The following HDAC7 variants were observed in gnomAD, a reference collection of about 807,000 sequenced individuals.
HDAC7 encodes histone deacetylase 7, also known as histone deacetylase 7A.
Under a neutral mutation model 115.5 loss-of-function variants are expected in HDAC7, and 26 were observed. That is an observed-to-expected ratio of 0.23 (90% CI 0.16 to 0.31). The LOEUF is 0.31. HDAC7 is among the 10% of genes least tolerant of loss of function. The pLI is 1.00. For synonymous variants in HDAC7, 564 were observed against 550.9 expected (o/e 1.02, Z -0.33); for missense variants, 1,068 against 1,329.0 (o/e 0.80, Z 3.05).
In HDAC7 at chr12:47,795,016, A is replaced by G; in HGVS notation, c.1285-83T>C. Reference sequence around the variant, plus strand: ...AGGTGGTGGGCTGGGCCAGGCAGCCAGTCATCTTGCTAGGACTCCAGCTGC... The same window carrying G: ...AGGTGGTGGGCTGGGCCAGGCAGCCGGTCATCTTGCTAGGACTCCAGCTGC... On this transcript the variant is annotated intron_variant, in intron 11 of 25. Coordinates refer to ENST00000080059, the MANE Select transcript of HDAC7 (RefSeq NM_015401.5). This position sits in a 1 kb window ranked among gnomAD's most constrained non-coding sequence, Gnocchi z 4.3. 1 of 1,445,164 alleles carries G rather than the reference A, an allele frequency of 6.9e-7. No individual in the cohort carries two copies. 89.5% of individuals were successfully genotyped at this position (1,445,164 alleles called of 1,614,324 possible).
In HDAC7 at chr12:47,798,470, G is replaced by A. The variant is rs1014859839; in HGVS notation, c.349+92C>T. The A allele has an allele frequency of 5.2e-5, 60 of 1,164,058 alleles. No individual in the cohort carries two copies. Among genetic ancestry groups the A allele is most frequent in the Non-Finnish European group, 7.1e-5 (56 of 787,682 alleles). The allele number at this position is 1,164,058 out of a possible 1,614,324, so 72.1% of individuals were successfully genotyped here. A position where few individuals can be genotyped will look rare whatever the true frequency, so the allele number is the denominator to read the frequency against. ...CCTCGGCTCAGGCCCAGCTGGCTGCGGCCCTCCCACCTCACCCCTCACAAG... is the reference window on the plus strand; with the variant it reads ...CCTCGGCTCAGGCCCAGCTGGCTGCAGCCCTCCCACCTCACCCCTCACAAG... On this transcript the variant is annotated intron_variant, in intron 4 of 25. Coordinates refer to ENST00000080059, the MANE Select transcript of HDAC7 (RefSeq NM_015401.5). This position sits in a 1 kb window ranked among gnomAD's most constrained non-coding sequence, Gnocchi z 4.3.
At chr12:47,802,422 C>T (rs748367446) in intron 1 of HDAC7, 148 bp from the exon 2 acceptor site, 12 of 1,544,344 alleles carry the variant, frequency 7.8e-6, no homozygotes, top group South Asian at 2.4e-5. Context: ...CTAATCAAAA[C>T]GAGAAGACCC....
In HDAC7 at chr12:47,788,227, A is replaced by G. The variant is rs555659391; in HGVS notation, c.2236-63T>C. On this transcript the variant is annotated intron_variant, in intron 19 of 25. Coordinates refer to ENST00000080059, the MANE Select transcript of HDAC7 (RefSeq NM_015401.5). ...GAGATGGGGGCCAGGACAGGTTAGA[A>G]GGGTTTCAAGGTCAGTGGCCATTCT... is the stretch of plus-strand genomic sequence containing the variant. 508 of 1,519,932 alleles carry G rather than the reference A, an allele frequency of 3.3e-4. 1 individual carries two copies. Among genetic ancestry groups the G allele is most frequent in the Admixed American group, 1.6e-3 (72 of 46,422 alleles). 94.2% of individuals were successfully genotyped at this position (1,519,932 alleles called of 1,614,324 possible). A position where few individuals can be genotyped will look rare whatever the true frequency, so the allele number is the denominator to read the frequency against.
chr12:47,819,724 G>A (rs2137090932), intron 1 of HDAC7, 43 bp downstream of exon 1: 2 of 667,708 alleles, frequency 3.0e-6, no homozygotes, highest in South Asian at 1.3e-4. Context: ...GACGCTGGGT[G>A]CCGCGCGCAG....
chr12:47,795,351 A>C lies in HDAC7; in HGVS notation c.1117T>G (p.Phe373Val), dbSNP rs369277706. The change falls in exon 11 of 26, where the codon TTT becomes GTT. Residue 373 changes from phenylalanine (F) to valine (V), a missense_variant. This residue lies in a region of HDAC7 where 618 missense variants were observed against 701.5 expected (regional missense o/e 0.88). Transcript: ENST00000080059. The surrounding 1 kb of genome is among the most constrained non-coding windows in gnomAD (Gnocchi z 4.3). ...TCGGTGGTCATTAAGGACTGGGCAA[A>C]GTGGAAGGGCAAGGGCCCAAGCCCG... ...VPGLGPLPFH[F>V]AQSLMTTERL... is the part of the protein sequence containing the mutation. 6.2e-7 allele frequency: 1 copy of C among 1,609,406 alleles called. No homozygotes were observed. The highest frequency in any genetic ancestry group is 8.5e-7 in the Non-Finnish European group (1 of 1,178,200).
chr12:47,813,420 G>A (rs1592701325), intron 1 of HDAC7: 1 of 152,742 alleles, frequency 6.5e-6, no homozygotes, highest in South Asian at 2.1e-4. Context: ...TGGGGGTTGG[G>A]GTAGAGGGGA....
Position 47,793,558 on chromosome 12 carries a change from C to T in HDAC7, c.1489G>A (p.Gly497Arg). 1.3e-6 allele frequency: 2 copies of T among 1,545,374 alleles called. No individual in the cohort carries two copies. The highest frequency in any genetic ancestry group is 1.7e-6 in the Non-Finnish European group (2 of 1,145,178). ...VLLWEQQRLA[G>R]RLPRGSTGDT... ...CCGGTGCTGCCCCGGGGGAGCCGCC[C>T]AGCCAGTCGCTGCTGTTCCCAGAGC... is the stretch of plus-strand genomic sequence containing the variant. The change falls in exon 13 of 26, where the codon GGG becomes AGG. Residue 497 changes from glycine (G) to arginine (R), a missense_variant. Physicochemically the swap from Gly to Arg is moderately radical, Grantham distance 125 (BLOSUM62 -2). Coordinates refer to ENST00000080059, the MANE Select transcript of HDAC7 (RefSeq NM_015401.5). The surrounding 1 kb of genome is among the most constrained non-coding windows in gnomAD (Gnocchi z 4.5).
At position 47,786,562 on chromosome 12, in the gene HDAC7, C is replaced by T. The variant is rs761643191; in HGVS notation, c.2572+23G>A. 8.4e-6 allele frequency: 13 copies of T among 1,538,734 alleles called. No homozygotes were observed. In the South Asian group the frequency reaches 1.5e-4, roughly 17 times the overall value. On this transcript the variant is annotated intron_variant, in intron 22 of 25. Coordinates refer to ENST00000080059, the MANE Select transcript of HDAC7 (RefSeq NM_015401.5). ...CGCCTGGCTCTCTGTCCCTAACGTC[C>T]CCCTCAGCTGAGGCTCCCTTACATT...
chr12:47,792,455 A>C, intron 13 of HDAC7: 2 of 338,182 alleles, frequency 5.9e-6, no homozygotes, highest in Non-Finnish European at 1.2e-5. Flanking sequence ...AAACCCCCAA[A>C]CCGGGAGCTA....
At chr12:47,799,699 C>T (rs1306661546) in intron 2 of HDAC7, among the ~76,000 whole-genome samples, 1 of 152,232 alleles carries the variant, frequency 6.6e-6, no homozygotes, top group East Asian at 1.9e-4. Context: ...TGCCTCTTCT[C>T]AAGTGTCCTC....
intron 1 of HDAC7, among the ~76,000 whole-genome samples, chr12:47,818,549 G>A (rs1944914284): frequency 6.6e-6 from 1 of 152,256 alleles, no homozygotes; most frequent in Non-Finnish European, 1.5e-5. Context: ...CTGAGTCACA[G>A]TCTCCTGCCA....
chr12:47,808,890 C>T (rs1944524414), intron 1 of HDAC7, among the ~76,000 whole-genome samples: 1 of 152,234 alleles, frequency 6.6e-6, no homozygotes, highest in Admixed American at 6.5e-5. Context: ...CACATTCATC[C>T]TCACTCCTCT....
intron 2 of HDAC7, among the ~76,000 whole-genome samples, chr12:47,799,976 C>A (rs974080966): frequency 5.9e-5 from 9 of 152,176 alleles, no homozygotes; most frequent in South Asian, 2.1e-4. Flanking sequence ...AATTCCAACG[C>A]TGGGCATCTC....
intron 1 of HDAC7, among the ~76,000 whole-genome samples, chr12:47,809,436 AAT>A (rs1156830072): frequency 1.3e-5 from 2 of 152,176 alleles, no homozygotes; most frequent in East Asian, 3.8e-4. Flanking sequence ...CAATATCAAC[AAT>A]AGTTATATTA....
intron 1 of HDAC7, among the ~76,000 whole-genome samples, chr12:47,809,841 G>A (rs966871524): frequency 6.6e-6 from 1 of 152,200 alleles, no homozygotes; most frequent in Admixed American, 6.5e-5. Context: ...AAAGTACTGG[G>A]ATTACAGGCC....
intron 7 of HDAC7, among the ~76,000 whole-genome samples, chr12:47,796,546 C>A (rs1943855965): frequency 6.6e-6 from 1 of 151,888 alleles, no homozygotes; most frequent in Non-Finnish European, 1.5e-5. Flanking sequence ...GGCTCAGCCT[C>A]CCAAGTAGCT....
intron 8 of HDAC7, 35 bp downstream of exon 8, chr12:47,796,172 T>G: frequency 6.3e-7 from 1 of 1,579,762 alleles, no homozygotes; most frequent in Non-Finnish European, 8.6e-7. Context: ...GCCTCAGAAC[T>G]GCCCCAGGAG....
intron 1 of HDAC7, among the ~76,000 whole-genome samples, chr12:47,805,863 G>A (rs1022469814): frequency 5.9e-5 from 9 of 152,198 alleles, no homozygotes; most frequent in African/African-American, 2.2e-4. Flanking sequence ...CTACTTCCCT[G>A]GGAAGTCACT....
At chr12:47,799,650 CAG>C (rs1944066932) in intron 2 of HDAC7, among the ~76,000 whole-genome samples, 1 of 152,266 alleles carries the variant, frequency 6.6e-6, no homozygotes. Flanking sequence ...GCCTCCATGG[CAG>C]CTCTGGGCCT....
Sources: allele counts gnomAD v4.1 joint callset (sites outside exome capture counted in the v4.1 genomes callset), GRCh38; gene constraint gnomAD v4.1.1; regional missense constraint gnomAD v4.1.1; non-coding constraint Gnocchi (gnomAD v3.1); transcripts MANE v1.5; gene names NCBI Gene and HGNC (gene_info 2026-07-23, HGNC 2026-07-21).